Variants in CTIF observed in about 807,000 individuals in gnomAD.
The protein encoded by CTIF is CBP80/20-dependent translation initiation factor.
Under a neutral mutation model 66.0 loss-of-function variants are expected in CTIF, and 21 were observed. The ratio of observed to expected loss-of-function variants is 0.32; its 90% CI spans 0.23 to 0.46. The LOEUF (loss-of-function observed/expected upper bound fraction) is 0.46, where lower values mean the gene tolerates loss of function less well. Among genes scored for constraint, CTIF ranks in the 20% least tolerant of loss-of-function variants. CTIF has a pLI of 1.00. For synonymous variants in CTIF, 345 were observed against 326.4 expected (o/e 1.06, Z -0.62); for missense variants, 739 against 812.7 (o/e 0.91, Z 1.10).
chr18:48,745,501 C>T (rs779937748), intron 7 of CTIF, among the ~76,000 whole-genome samples: 14 of 152,226 alleles, frequency 9.2e-5, no homozygotes, highest in African/African-American at 1.4e-4. Flanking sequence ...ATGATTCTTG[C>T]TTGAAACAAT....
At chr18:48,644,844 G>A (rs763713095) in intron 3 of CTIF, among the ~76,000 whole-genome samples, 10 of 152,160 alleles carry the variant, frequency 6.6e-5, no homozygotes, top group Non-Finnish European at 1.2e-4. Flanking sequence ...ATGATGTCGC[G>A]GAAGCAGCAT....
chr18:48,732,170 C>T (rs1188207502), intron 7 of CTIF, among the ~76,000 whole-genome samples: 3 of 152,198 alleles, frequency 2.0e-5, no homozygotes, highest in Non-Finnish European at 4.4e-5. Context: ...CAGACCTAGG[C>T]CTATCCAAGC....
At chr18:48,641,817 C>T (rs904761338) in intron 3 of CTIF, among the ~76,000 whole-genome samples, 78 of 152,204 alleles carry the variant, frequency 5.1e-4, no homozygotes, top group African/African-American at 1.9e-3. Flanking sequence ...CTCTACTGTT[C>T]CCCATCCCCT....
chr18:48,820,334 A>C (rs565780399), intron 10 of CTIF, among the ~76,000 whole-genome samples: 1 of 152,110 alleles, frequency 6.6e-6, no homozygotes, highest in Non-Finnish European at 1.5e-5. Flanking sequence ...CTTGACCTAC[A>C]TCCCTAAAGC....
At chr18:48,667,042 C>A (rs2091448535) in intron 5 of CTIF, among the ~76,000 whole-genome samples, 1 of 151,730 alleles carries the variant, frequency 6.6e-6, no homozygotes, top group African/African-American at 2.4e-5. Context: ...TGTCACTAGA[C>A]CTGCTGGGTC....
intron 1 of CTIF, among the ~76,000 whole-genome samples, chr18:48,545,855 T>G (rs946615631): frequency 1.3e-5 from 2 of 151,936 alleles, no homozygotes; most frequent in African/African-American, 2.4e-5. Context: ...TTCCTCCCAT[T>G]GTCAGATAAT....
chr18:48,670,378 C>T (rs1045570413), intron 5 of CTIF, among the ~76,000 whole-genome samples: 1 of 152,174 alleles, frequency 6.6e-6, no homozygotes, highest in African/African-American at 2.4e-5. Context: ...TGGGCTTTGA[C>T]AGGAGTTGTG....
intron 7 of CTIF, among the ~76,000 whole-genome samples, chr18:48,730,024 C>T (rs1159374906): frequency 1.3e-5 from 2 of 152,206 alleles, no homozygotes; most frequent in South Asian, 4.1e-4. Context: ...TAATAGTAGC[C>T]GGCTTTGTCC....
intron 1 of CTIF, among the ~76,000 whole-genome samples, chr18:48,617,262 T>C (rs2090416901): frequency 6.6e-6 from 1 of 152,220 alleles, no homozygotes; most frequent in Non-Finnish European, 1.5e-5. Flanking sequence ...CATTGAGTCT[T>C]TCTCATGCTT....
chr18:48,669,465 C>T (rs2091487364), intron 5 of CTIF, among the ~76,000 whole-genome samples: 1 of 151,652 alleles, frequency 6.6e-6, no homozygotes, highest in South Asian at 2.1e-4. Flanking sequence ...GAACTGTTAC[C>T]ATCTTCTCTT....
chr18:48,614,890 G>GTT (rs144198459), intron 1 of CTIF, among the ~76,000 whole-genome samples: 1 of 151,678 alleles, frequency 6.6e-6, no homozygotes, highest in African/African-American at 2.4e-5. Context: ...TTTTGTTGTT[G>GTT]TTGTTTTGTT....
chr18:48,545,406 C>T (rs962704554), intron 1 of CTIF, among the ~76,000 whole-genome samples: 1 of 152,108 alleles, frequency 6.6e-6, no homozygotes, highest in Admixed American at 6.5e-5. Flanking sequence ...CCACGGCATC[C>T]AGGTCATAGG....
intron 9 of CTIF, among the ~76,000 whole-genome samples, chr18:48,770,585 T>C (rs1391188457): frequency 6.6e-6 from 1 of 152,234 alleles, no homozygotes; most frequent in African/African-American, 2.4e-5. Flanking sequence ...AAGACCAGCC[T>C]GCAGCTTCAT....
intron 9 of CTIF, among the ~76,000 whole-genome samples, chr18:48,812,511 G>A (rs773177990): frequency 4.0e-5 from 6 of 151,874 alleles, no homozygotes; most frequent in Non-Finnish European, 8.8e-5. Context: ...TTGTTCCTTC[G>A]TAGCTGTTTT....
intron 6 of CTIF, among the ~76,000 whole-genome samples, chr18:48,707,100 C>T (rs2092166566): frequency 6.6e-6 from 1 of 152,182 alleles, no homozygotes; most frequent in Admixed American, 6.5e-5. Flanking sequence ...CTGGTTCTCT[C>T]ATGTGGGGAG....
intron 1 of CTIF, among the ~76,000 whole-genome samples, chr18:48,591,565 T>A (rs2089887907): frequency 6.6e-6 from 1 of 152,208 alleles, no homozygotes; most frequent in South Asian, 2.1e-4. Context: ...AGAGTGCAGC[T>A]AAAGGCTTAG....
At chr18:48,713,212 G>T (rs961364094) in intron 7 of CTIF, among the ~76,000 whole-genome samples, 1 of 152,200 alleles carries the variant, frequency 6.6e-6, no homozygotes, top group Non-Finnish European at 1.5e-5. Flanking sequence ...AGAGAGCAAA[G>T]GCTTTATGTC....
At chr18:48,821,654 T>C (rs1168774686) in intron 10 of CTIF, among the ~76,000 whole-genome samples, 1 of 152,280 alleles carries the variant, frequency 6.6e-6, no homozygotes, top group Non-Finnish European at 1.5e-5. Flanking sequence ...CAATGTGTGC[T>C]TTTCTTGTTT....
At position 48,762,967 on chromosome 18, in the gene CTIF, T is replaced by A. The variant is rs114249143; in HGVS notation, c.1371+1278T>A. Among the ~76,000 whole-genome samples the A allele has an allele frequency of 2.2e-3, 339 of 152,286 alleles. 1 individual carries two copies. The highest frequency in any genetic ancestry group is 7.8e-3 in the African/African-American group (324 of 41,564). ...CCAGCCTGGGCTGCTTCTCTCCTGCTCCAGGCCCTGATCAGGTTCCCATTC... is the reference window on the plus strand; with the variant it reads ...CCAGCCTGGGCTGCTTCTCTCCTGCACCAGGCCCTGATCAGGTTCCCATTC... On this transcript the variant is annotated intron_variant, in intron 9 of 11. Transcript: ENST00000256413.
Sources: allele counts gnomAD v4.1 joint callset (sites outside exome capture counted in the v4.1 genomes callset), GRCh38; gene constraint gnomAD v4.1.1; transcripts MANE v1.5; gene names NCBI Gene and HGNC (gene_info 2026-07-23, HGNC 2026-07-21).